The following TRAPPC11 variants were observed in gnomAD, a reference collection of about 807,000 sequenced individuals.
The protein encoded by TRAPPC11 is trafficking protein particle complex subunit 11, also known as foie gras homolog.
In TRAPPC11, 104 loss-of-function variants were observed where a neutral mutation model predicts 151.2. The observed-to-expected ratio is 0.69, with a 90% CI of 0.59 to 0.81. The LOEUF is 0.81. Among genes scored for constraint, TRAPPC11 ranks in the 30% least tolerant of loss-of-function variants. TRAPPC11 has a pLI of 0.00. For missense variants in TRAPPC11, 1,230 were observed against 1,349.6 expected, an observed-to-expected ratio of 0.91 and a Z score of 1.39; for synonymous variants, 456 against 472.3, an observed-to-expected ratio of 0.97 and a Z score of 0.45.
chr4:183,701,268 A>G (rs1736787250), intron 25 of TRAPPC11: 1 of 155,446 alleles, frequency 6.4e-6, no homozygotes, highest in Non-Finnish European at 1.4e-5. Flanking sequence ...TTACTCAGAG[A>G]AAGCCACAAT....
rs750263949 is a variant in TRAPPC11, at chr4:183,697,873, T to A, written c.2851+38T>A. ...CATTCCCACTTAAAGACCAGGAGAA[T>A]TGTGCGCGCGTGTGTGTGTGTGTGT... On this transcript the variant is annotated intron_variant, in intron 25 of 29. Transcript: ENST00000334690. 16 of 1,578,878 alleles carry A rather than the reference T, an allele frequency of 1.0e-5. 1 individual carries two copies. In the Admixed American group the frequency reaches 2.8e-4, roughly 28 times the overall value.
chr4:183,699,605 C>G (rs1372306901), intron 25 of TRAPPC11, among the ~76,000 whole-genome samples: 1 of 152,172 alleles, frequency 6.6e-6, no homozygotes, highest in African/African-American at 2.4e-5. Flanking sequence ...AAGTTAGTGG[C>G]TTAAAATGAC....
intron 7 of TRAPPC11, 76 bp downstream of exon 7, chr4:183,675,313 A>C: frequency 2.3e-6 from 2 of 885,908 alleles, no homozygotes; most frequent in Non-Finnish European, 3.3e-6. Context: ...TCTGAATCTC[A>C]GCCAAAGTAT....
intron 1 of TRAPPC11, among the ~76,000 whole-genome samples, chr4:183,660,368 A>G (rs1734411276): frequency 6.6e-6 from 1 of 152,238 alleles, no homozygotes; most frequent in Non-Finnish European, 1.5e-5. Flanking sequence ...AATACACACC[A>G]GATTTTGAAG....
intron 25 of TRAPPC11, 193 bp from the exon 26 acceptor site, chr4:183,701,504 G>T: frequency 1.9e-6 from 1 of 517,386 alleles, no homozygotes. Flanking sequence ...ATGGAATATT[G>T]GTACATTAGC....
intron 18 of TRAPPC11, among the ~76,000 whole-genome samples, chr4:183,687,094 T>C (rs10434302): frequency 0.48 from 73,601 of 151,878 alleles, 18,315 homozygotes; most frequent in African/African-American, 0.6. Context: ...GGCAGGAGAA[T>C]CACTTGAACT....
chr4:183,706,351 G>A lies in TRAPPC11; in HGVS notation c.3056-456G>A, dbSNP rs184336229. Among the ~76,000 whole-genome samples the A allele has an allele frequency of 2.2e-3, 336 of 152,124 alleles. 4 individuals carry two copies. The highest frequency in any genetic ancestry group is 7.2e-4 in the Non-Finnish European group (49 of 68,002). ...ATCCTGGCTAACACGGTGAAACCCC[G>A]TCTCTATTAAAAATGCAAAAAATTA... On this transcript the variant is annotated intron_variant, in intron 27 of 29. Transcript: ENST00000334690.
At chr4:183,663,038 G>A (rs919555883) in intron 1 of TRAPPC11, among the ~76,000 whole-genome samples, 28 of 151,980 alleles carry the variant, frequency 1.8e-4, no homozygotes, top group Admixed American at 1.3e-3. Flanking sequence ...GATACTCAAA[G>A]CCTTTTGCCT....
intron 8 of TRAPPC11, among the ~76,000 whole-genome samples, chr4:183,678,008 G>A (rs1194726967): frequency 3.3e-5 from 5 of 149,794 alleles, no homozygotes; most frequent in East Asian, 3.9e-4. Flanking sequence ...GTGGGATCTC[G>A]GCTCACTGGA....
Position 183,693,072 on chromosome 4 carries a change from G to A in TRAPPC11, c.2162G>A (p.Arg721Gln), listed in dbSNP as rs777361172. 19 of 1,613,044 alleles carry A rather than the reference G, an allele frequency of 1.2e-5. No homozygotes were observed. The highest frequency in any genetic ancestry group is 1.6e-4 in the Middle Eastern group (1 of 6,072). ...TCCCAAGAAGCCTTACAGGCAGCTC[G>A]GTCTTTCAAAAGGCGACCTAAGCTA... ...ASSQEALQAA[R>Q]SFKRRPKLPD... The change falls in exon 20 of 30, where the codon CGG (arginine) becomes CAG (glutamine). Residue 721 changes from arginine (R) to glutamine (Q), a missense_variant. By Grantham distance (43) the Arg-to-Gln change is conservative. Coordinates refer to ENST00000334690, the MANE Select transcript of TRAPPC11 (RefSeq NM_021942.6).
In TRAPPC11 at chr4:183,708,487, G is replaced by C. The variant is rs1737192384; in HGVS notation, c.3270G>C (p.Leu1090=). Residue 1090 remains leucine (L), a synonymous_variant, in exon 29 of 30, where the codon CTG becomes CTC. Coordinates refer to ENST00000334690, the MANE Select transcript of TRAPPC11 (RefSeq NM_021942.6). ...CTCTGATGGCTGGATACCAGCAGCT[G>C]CCATCTCTCAACATCAACTTGCTTA... ...FYPLMAGYQQ[L]PSLNINLLRF... 1.9e-6 allele frequency: 3 copies of C among 1,614,084 alleles called. No individual in the cohort carries two copies. Among genetic ancestry groups the C allele is most frequent in the Non-Finnish European group, 2.5e-6 (3 of 1,179,974 alleles).
At chr4:183,661,491 C>T (rs1454893177) in intron 1 of TRAPPC11, among the ~76,000 whole-genome samples, 1,275 of 148,274 alleles carry the variant, frequency 8.6e-3, no homozygotes, top group African/African-American at 0.031. Context: ...CCTGCCTCAG[C>T]CTCCCGAGTA....
chr4:183,696,298 G>A lies in TRAPPC11; in HGVS notation c.2629-1205G>A, dbSNP rs1736535231. Among the ~76,000 whole-genome samples, 4 of 152,212 alleles carry A rather than the reference G, an allele frequency of 2.6e-5. No homozygotes were observed. In the South Asian group the frequency reaches 8.3e-4, roughly 32 times the overall value. ...AGCTCTGTCTGGCATTACAGCCTGAGCTTTTAACCAGTATGATCTTTTTTA... is the reference window on the plus strand; with the variant it reads ...AGCTCTGTCTGGCATTACAGCCTGAACTTTTAACCAGTATGATCTTTTTTA... On this transcript the variant is annotated intron_variant, in intron 23 of 29. Transcript: ENST00000334690.
At chr4:183,698,302 T>C (rs940186989) in intron 25 of TRAPPC11, among the ~76,000 whole-genome samples, 3 of 152,248 alleles carry the variant, frequency 2.0e-5, no homozygotes, top group African/African-American at 7.2e-5. Flanking sequence ...AACACCTTTC[T>C]GGTTTTAAAA....
intron 5 of TRAPPC11, among the ~76,000 whole-genome samples, chr4:183,671,143 T>G (rs7676062): frequency 0.99 from 150,796 of 152,330 alleles, 74,654 homozygotes; most frequent in East Asian, 1. Flanking sequence ...TGGGATTACA[T>G]TCATGAGCCA....
intron 2 of TRAPPC11, 180 bp from the exon 3 acceptor site, chr4:183,666,077 G>C (rs941492928): frequency 2.2e-5 from 11 of 500,690 alleles, no homozygotes; most frequent in African/African-American, 1.4e-4. Context: ...CTTCTCCAGG[G>C]TTGAGATTCC....
At chr4:183,698,818 TG>T (rs1736669400) in intron 25 of TRAPPC11, among the ~76,000 whole-genome samples, 2 of 152,200 alleles carry the variant, frequency 1.3e-5, no homozygotes, top group Admixed American at 1.3e-4. Flanking sequence ...AGGGGTTGTC[TG>T]GTTGTAAGGG....
intron 9 of TRAPPC11, 125 bp downstream of exon 9, chr4:183,679,611 A>G: frequency 1.5e-6 from 1 of 687,274 alleles, no homozygotes; most frequent in Non-Finnish European, 2.3e-6. Flanking sequence ...TTGATGATGT[A>G]GCATAAGTAT....
intron 9 of TRAPPC11, 90 bp from the exon 10 acceptor site, chr4:183,680,030 G>T: frequency 9.2e-7 from 1 of 1,082,684 alleles, no homozygotes; most frequent in Non-Finnish European, 1.3e-6. Flanking sequence ...AACACAGTCT[G>T]CTGAGGTTAA....
Sources: gnomAD v4.1 joint callset for allele counts (sites outside exome capture counted in the v4.1 genomes callset) on GRCh38, gnomAD v4.1.1 for gene constraint, MANE v1.5 for transcripts, NCBI Gene and HGNC (gene_info 2026-07-23, HGNC 2026-07-21) for gene names.